Variants in GRIN2A observed in about 807,000 individuals in gnomAD.
GRIN2A encodes the protein glutamate ionotropic receptor NMDA type subunit 2A, also known as glutamate receptor ionotropic, NMDA 2A.
A neutral mutation model predicts 113.4 loss-of-function variants in GRIN2A; 22 were observed. The ratio of observed to expected loss-of-function variants is 0.19; its 90% CI spans 0.14 to 0.28. GRIN2A has a LOEUF of 0.28. GRIN2A is among the 10% of genes least tolerant of loss of function. The pLI is 1.00. For synonymous variants in GRIN2A, 827 were observed against 738.4 expected (o/e 1.12, Z -1.94); for missense variants, 1,502 against 1,887.0 (o/e 0.80, Z 3.78).
intron 3 of GRIN2A, among the ~76,000 whole-genome samples, chr16:9,926,016 T>G (rs1425699420): frequency 6.6e-6 from 1 of 152,242 alleles, no homozygotes; most frequent in Non-Finnish European, 1.5e-5. Flanking sequence ...CTCCATCATT[T>G]GCCATTCACT....
intron 2 of GRIN2A, among the ~76,000 whole-genome samples, chr16:9,992,257 G>C (rs754901123): frequency 6.6e-6 from 1 of 152,090 alleles, no homozygotes; most frequent in Non-Finnish European, 1.5e-5. Context: ...TTCTTAATAA[G>C]AAGCCTTCTC....
At chr16:9,780,084 T>C (rs973176151) in intron 11 of GRIN2A, among the ~76,000 whole-genome samples, 5 of 152,230 alleles carry the variant, frequency 3.3e-5, no homozygotes, top group Non-Finnish European at 5.9e-5. Context: ...TAGAGTTCTG[T>C]TGCACAAGCC....
chr16:9,837,627 C>T (rs990843038), intron 7 of GRIN2A, among the ~76,000 whole-genome samples: 3 of 152,238 alleles, frequency 2.0e-5, no homozygotes, highest in Admixed American at 6.5e-5. Flanking sequence ...CTTTCTTAAC[C>T]TCCAGGACAA....
At chr16:9,945,752 C>A in intron 2 of GRIN2A, among the ~76,000 whole-genome samples, 1 of 152,178 alleles carries the variant, frequency 6.6e-6, no homozygotes, top group Non-Finnish European at 1.5e-5. Context: ...CTGAAGGAAG[C>A]AGCTTTATTT....
At chr16:10,111,091 G>A (rs1458483894) in intron 2 of GRIN2A, among the ~76,000 whole-genome samples, 3 of 152,196 alleles carry the variant, frequency 2.0e-5, no homozygotes. Flanking sequence ...AAATGAGACA[G>A]TTTGGAGGCT....
chr16:10,128,381 C>A (rs2142208384), intron 2 of GRIN2A, among the ~76,000 whole-genome samples: 1 of 152,282 alleles, frequency 6.6e-6, no homozygotes, highest in South Asian at 2.1e-4. Context: ...GAACTGTACC[C>A]CTCAACTTTG....
intron 2 of GRIN2A, among the ~76,000 whole-genome samples, chr16:9,976,116 A>C (rs1301592819): frequency 1.3e-5 from 2 of 152,244 alleles, no homozygotes; most frequent in Admixed American, 1.3e-4. Context: ...CAACTTTTTA[A>C]AATGTAATTA....
chr16:9,811,147 A>G (rs1479108777), intron 10 of GRIN2A, among the ~76,000 whole-genome samples: 2 of 152,168 alleles, frequency 1.3e-5, no homozygotes, highest in African/African-American at 4.8e-5. Context: ...CAAACCTGTG[A>G]TGCTTCATGG....
intron 11 of GRIN2A, among the ~76,000 whole-genome samples, chr16:9,782,619 G>A (rs1902000807): frequency 6.6e-6 from 1 of 152,126 alleles, no homozygotes; most frequent in South Asian, 2.1e-4. Context: ...ACTTTCTCTG[G>A]TTTGAGCAAT....
At chr16:9,921,366 G>A (rs1361159658) in intron 3 of GRIN2A, among the ~76,000 whole-genome samples, 1 of 152,104 alleles carries the variant, frequency 6.6e-6, no homozygotes, top group Non-Finnish European at 1.5e-5. Context: ...TCCTCGGACC[G>A]CATGAAAACA....
chr16:10,108,291 G>C (rs902151045), intron 2 of GRIN2A, among the ~76,000 whole-genome samples: 3 of 152,168 alleles, frequency 2.0e-5, no homozygotes, highest in Non-Finnish European at 4.4e-5. Flanking sequence ...TCCTCTTTTT[G>C]AAACCATTGG....
chr16:10,143,129 A>C (rs1162318505), intron 2 of GRIN2A, among the ~76,000 whole-genome samples: 1 of 152,198 alleles, frequency 6.6e-6, no homozygotes, highest in Non-Finnish European at 1.5e-5. Flanking sequence ...TTGTTCCTTC[A>C]GATTTCATGG....
intron 4 of GRIN2A, among the ~76,000 whole-genome samples, chr16:9,881,167 G>T (rs940743340): frequency 4.6e-5 from 7 of 152,110 alleles, no homozygotes; most frequent in African/African-American, 1.7e-4. Context: ...TAGGTAACAG[G>T]CACTGAACTA....
intron 11 of GRIN2A, among the ~76,000 whole-genome samples, chr16:9,773,540 A>G (rs2141163881): frequency 6.6e-6 from 1 of 152,280 alleles, no homozygotes; most frequent in African/African-American, 2.4e-5. Context: ...CACACAAGCT[A>G]AATGCTCTCT....
intron 2 of GRIN2A, among the ~76,000 whole-genome samples, chr16:10,054,652 C>T (rs1596465762): frequency 6.6e-6 from 1 of 152,166 alleles, no homozygotes; most frequent in South Asian, 2.1e-4. Context: ...AATTTTTATA[C>T]ATCCATAGGG....
chr16:10,077,284 C>T (rs901720799), intron 2 of GRIN2A, among the ~76,000 whole-genome samples: 2 of 152,186 alleles, frequency 1.3e-5, no homozygotes, highest in Admixed American at 6.5e-5. Context: ...TTTGTTATAG[C>T]AGCAAAGGGA....
At chr16:9,840,570 TG>T in intron 7 of GRIN2A, 76 bp downstream of exon 7, 3 of 1,338,006 alleles carry the variant, frequency 2.2e-6, no homozygotes, top group Non-Finnish European at 3.2e-6. Context: ...AGTTCCTTTC[TG>T]GTCCCATCCT....
intron 2 of GRIN2A, among the ~76,000 whole-genome samples, chr16:10,046,929 G>C (rs537094014): frequency 6.6e-6 from 1 of 152,154 alleles, no homozygotes; most frequent in African/African-American, 2.4e-5. Context: ...CTCTACCTTA[G>C]TGCTGTTGAC....
chr16:10,036,449 C>CTTTTTTTTTT (rs369821921), intron 2 of GRIN2A, among the ~76,000 whole-genome samples: 11 of 46,008 alleles, frequency 2.4e-4, no homozygotes, highest in Non-Finnish European at 3.3e-4. Context: ...TTTTTTTTTT[C>CTTTTTTTTTT]TTTTTTTTTT....
Sources: gnomAD v4.1 joint callset for allele counts (sites outside exome capture counted in the v4.1 genomes callset) on GRCh38, gnomAD v4.1.1 for gene constraint, MANE v1.5 for transcripts, NCBI Gene and HGNC (gene_info 2026-07-23, HGNC 2026-07-21) for gene names.